Variants in ATP6V1B2 observed in about 807,000 individuals in gnomAD.
ATP6V1B2 encodes V-type proton ATPase subunit B, brain isoform.
ATP6V1B2 carries 23 observed loss-of-function variants against 66.7 expected under a neutral mutation model. The ratio of observed to expected loss-of-function variants is 0.34; its 90% CI spans 0.25 to 0.49. ATP6V1B2 has a LOEUF of 0.49. Among genes scored for constraint, ATP6V1B2 ranks in the 20% least tolerant of loss-of-function variants. The pLI is 0.99. For missense variants in ATP6V1B2, 478 were observed against 650.8 expected (o/e 0.73, Z 2.89); for synonymous variants, 278 against 236.7 (o/e 1.17, Z -1.60).
At chr8:20,207,584 A>T (rs1484456838) in intron 2 of ATP6V1B2, among the ~76,000 whole-genome samples, 1 of 151,970 alleles carries the variant, frequency 6.6e-6, no homozygotes, top group Non-Finnish European at 1.5e-5. Context: ...AATAAAATAA[A>T]ATAAAAAAGA....
rs2072811781 is a variant in ATP6V1B2, at chr8:20,213,067, C to T, written c.927+162C>T. On this transcript the variant is annotated intron_variant, in intron 9 of 13. Coordinates refer to ENST00000276390, the MANE Select transcript of ATP6V1B2 (RefSeq NM_001693.4). ...AGAAAGGAAACTACTTCGTTTTTGT[C>T]AACTTGGTAGAAGTGATTAGAGGTT... 1.1e-5 allele frequency: 10 copies of T among 944,800 alleles called. No individual in the cohort carries two copies. In the African/African-American group the frequency reaches 1.2e-4, roughly 11 times the overall value. The allele number at this position is 944,800 out of a possible 1,614,324, so 58.5% of individuals were successfully genotyped here. A position where few individuals can be genotyped will look rare whatever the true frequency, so the allele number is the denominator to read the frequency against.
At chr8:20,218,118 TTC>T (rs1289865205) in intron 12 of ATP6V1B2, 33 bp from the exon 13 acceptor site, 2 of 1,604,466 alleles carry the variant, frequency 1.2e-6, no homozygotes, top group South Asian at 1.1e-5. Context: ...TTTTGAGAGC[TTC>T]TCTCTGCTGA....
At chr8:20,215,984 T>A (rs563480884) in intron 10 of ATP6V1B2, 76 of 153,234 alleles carry the variant, frequency 5.0e-4, no homozygotes, top group Non-Finnish European at 9.7e-4. Flanking sequence ...AATGAAACTT[T>A]ACTTATATTG....
chr8:20,201,230 A>G (rs2072683190), intron 1 of ATP6V1B2, among the ~76,000 whole-genome samples: 1 of 152,214 alleles, frequency 6.6e-6, no homozygotes, highest in African/African-American at 2.4e-5. Context: ...TCACACACCT[A>G]CGGGCTCAAA....
intron 2 of ATP6V1B2, 43 bp from the exon 3 acceptor site, chr8:20,209,390 T>A (rs1172551865): frequency 3.8e-6 from 6 of 1,573,326 alleles, no homozygotes; most frequent in Non-Finnish European, 4.4e-6. Flanking sequence ...TTTGGGGGGC[T>A]TGTAAAATGT....
intron 10 of ATP6V1B2, 77 bp from the exon 11 acceptor site, chr8:20,216,336 T>G (rs969949256): frequency 4.5e-6 from 6 of 1,327,674 alleles, no homozygotes; most frequent in Non-Finnish European, 6.5e-6. Context: ...TTTGTGGGTT[T>G]GGTTCTGAGA....
chr8:20,217,971 A>T (rs1335283525), intron 12 of ATP6V1B2, among the ~76,000 whole-genome samples, 182 bp from the exon 13 acceptor site: 1 of 151,968 alleles, frequency 6.6e-6, no homozygotes, highest in East Asian at 1.9e-4. Flanking sequence ...ATGCCTGAAG[A>T]CTCCTTTCTG....
intron 2 of ATP6V1B2, 100 bp downstream of exon 2, chr8:20,204,639 A>G (rs1007639955): frequency 2.0e-6 from 2 of 986,440 alleles, no homozygotes; most frequent in Non-Finnish European, 3.0e-6. Context: ...TTTAAGCCAT[A>G]CTTTAGACTG....
chr8:20,201,247 T>G (rs909304706), intron 1 of ATP6V1B2, among the ~76,000 whole-genome samples: 2 of 152,228 alleles, frequency 1.3e-5, no homozygotes, highest in Non-Finnish European at 2.9e-5. Context: ...CAAATTCTTT[T>G]TCATTTGGAG....
intron 1 of ATP6V1B2, among the ~76,000 whole-genome samples, chr8:20,200,208 G>A (rs1181854878): frequency 6.6e-6 from 1 of 151,584 alleles, no homozygotes; most frequent in Non-Finnish European, 1.5e-5. Flanking sequence ...GGTAGAGATG[G>A]GATTTCCCCA....
At chr8:20,203,422 C>G (rs1411114570) in intron 1 of ATP6V1B2, among the ~76,000 whole-genome samples, 1 of 152,182 alleles carries the variant, frequency 6.6e-6, no homozygotes, top group East Asian at 1.9e-4. Flanking sequence ...AGTGGACAGA[C>G]TGGTTAGTAA....
At position 20,201,260 on chromosome 8, in the gene ATP6V1B2, G is replaced by C. The variant is rs568769606; in HGVS notation, c.137-3224G>C. ...CTCAAATTCTTTTTCATTTGGAGAGGAGTGGTCAATATGTAGGTAAATAGA... is the reference window on the plus strand; with the variant it reads ...CTCAAATTCTTTTTCATTTGGAGAGCAGTGGTCAATATGTAGGTAAATAGA... On this transcript the variant is annotated intron_variant, in intron 1 of 13. Transcript: ENST00000276390. 2.0e-3 allele frequency among the ~76,000 whole-genome samples: 302 copies of C among 152,294 alleles called. 2 individuals are homozygous for C. The highest frequency in any genetic ancestry group is 6.8e-3 in the African/African-American group (284 of 41,560).
chr8:20,204,675 T>C, intron 2 of ATP6V1B2, 136 bp downstream of exon 2: 1 of 630,248 alleles, frequency 1.6e-6, no homozygotes, highest in Non-Finnish European at 2.6e-6. Flanking sequence ...AAAGCCCAGA[T>C]ACCATGATAC....
intron 10 of ATP6V1B2, chr8:20,215,413 G>T (rs889900776): frequency 1.3e-5 from 2 of 152,678 alleles, no homozygotes; most frequent in African/African-American, 4.8e-5. Context: ...CCAAGGGCTG[G>T]TTAAAAATGA....
At chr8:20,212,544 C>T (rs916326168) in intron 8 of ATP6V1B2, among the ~76,000 whole-genome samples, 2 of 152,200 alleles carry the variant, frequency 1.3e-5, no homozygotes, top group Non-Finnish European at 2.9e-5. Context: ...CTCTCTCCTT[C>T]CTACCTGCCT....
At chr8:20,215,093 C>T (rs1248857059) in intron 10 of ATP6V1B2, 125 bp downstream of exon 10, 2 of 1,051,850 alleles carry the variant, frequency 1.9e-6, no homozygotes, top group East Asian at 5.5e-5. Flanking sequence ...GGTTATTTGC[C>T]TAAATAAAAC....
At position 20,208,382 on chromosome 8, in the gene ATP6V1B2, C is replaced by G. The variant is rs1345598751; in HGVS notation, c.193-1051C>G. Among the ~76,000 whole-genome samples the G allele has an allele frequency of 2.0e-5, 3 of 152,172 alleles. No homozygotes were observed. The South Asian group carries it at 6.2e-4, about 32-fold the overall frequency. On this transcript the variant is annotated intron_variant, in intron 2 of 13. Transcript: ENST00000276390. ...TAAGGTGCCCATATCTCCAAAGGGTCTTAAAGCAATGGCACATCATAGTTT... is the reference window on the plus strand; with the variant it reads ...TAAGGTGCCCATATCTCCAAAGGGTGTTAAAGCAATGGCACATCATAGTTT...
At chr8:20,200,205 A>G (rs2072671323) in intron 1 of ATP6V1B2, among the ~76,000 whole-genome samples, 1 of 151,588 alleles carries the variant, frequency 6.6e-6, no homozygotes, top group South Asian at 2.1e-4. Flanking sequence ...TTTGGTAGAG[A>G]TGGGATTTCC....
chr8:20,211,779 G>T (rs748210018), intron 7 of ATP6V1B2, 26 bp downstream of exon 7: 2 of 1,555,480 alleles, frequency 1.3e-6, no homozygotes, highest in South Asian at 1.2e-5. Flanking sequence ...GTTTTAGTAT[G>T]ATATGTAAAA....
Sources: gnomAD v4.1 joint callset for allele counts (sites outside exome capture counted in the v4.1 genomes callset) on GRCh38, gnomAD v4.1.1 for gene constraint, MANE v1.5 for transcripts, NCBI Gene and HGNC (gene_info 2026-07-23, HGNC 2026-07-21) for gene names.